ANO3: variants seen among roughly 807,000 people sequenced by gnomAD.
ANO3 encodes the protein anoctamin-3.
In ANO3, 99 loss-of-function variants were observed where a neutral mutation model predicts 144.8. The ratio of observed to expected loss-of-function variants is 0.68; its 90% confidence interval spans 0.58 to 0.81. ANO3 has a LOEUF of 0.81. Ranked by LOEUF, ANO3 falls within the 30% of genes least tolerant of loss-of-function variation. The pLI, the probability that ANO3 is intolerant of heterozygous loss-of-function variation, is 0.00. For synonymous variants in ANO3, 414 were observed against 392.6 expected, an observed-to-expected ratio of 1.05 and a Z score of -0.64; for missense variants, 905 against 1,202.2, an observed-to-expected ratio of 0.75 and a Z score of 3.66.
At position 26,598,455 on chromosome 11, in the gene ANO3, G is replaced by A. The variant is rs763498587; in HGVS notation, c.1530+8G>A. 5.1e-6 allele frequency: 8 copies of A among 1,567,504 alleles called. No homozygotes were observed. The highest frequency in any genetic ancestry group is 4.1e-5 in the African/African-American group (3 of 72,898). On this transcript the variant is annotated splice_region_variant and intron_variant, in intron 15 of 26. Coordinates refer to ENST00000256737, the MANE Select transcript of ANO3 (RefSeq NM_031418.4). ...GAATGGGAAGAAGAGGAGGTAAGAT[G>A]TTAGGATACAAGGAAATAGGGAAAC...
At chr11:26,333,048 C>T (rs2882351) in intron 1 of ANO3, among the ~76,000 whole-genome samples, 52,953 of 151,986 alleles carry the variant, frequency 0.35, 10,947 homozygotes, top group Admixed American at 0.5. Flanking sequence ...TTTTGAGGCA[C>T]ATTCACAGTT....
rs147367164 is a variant in ANO3, at chr11:26,273,114, G to A, written c.155-36531G>A. ...ATAAGCACCAGCTGCCAGTCTTTTC[G>A]TTGTATGACAAGAAGGCCTGGACAA... On this transcript the variant is annotated intron_variant, in intron 1 of 27. Transcript: ENST00000672621. Among the ~76,000 whole-genome samples, 777 of 151,996 alleles carry A rather than the reference G, an allele frequency of 5.1e-3. 5 individuals carry two copies. Among genetic ancestry groups the A allele is most frequent in the Non-Finnish European group, 8.0e-3 (547 of 67,988 alleles).
intron 14 of ANO3, chr11:26,563,395 CTGTGTG>C (rs71047867): frequency 0.011 from 6,039 of 538,794 alleles, 21 homozygotes; most frequent in Middle Eastern, 0.018. Flanking sequence ...GTTTCTCTCT[CTGTGTG>C]TGTGTGTGTG....
intron 7 of ANO3, among the ~76,000 whole-genome samples, chr11:26,528,099 G>A (rs977807460): frequency 3.9e-5 from 6 of 152,138 alleles, no homozygotes; most frequent in African/African-American, 1.2e-4. Flanking sequence ...ACACAATAAA[G>A]GTTTAGTAGA....
intron 4 of ANO3, among the ~76,000 whole-genome samples, chr11:26,494,781 A>T (rs1602932): frequency 0.73 from 111,313 of 152,038 alleles, 41,240 homozygotes; most frequent in Middle Eastern, 0.83. Flanking sequence ...ATGGAACCCA[A>T]GGACCTCTAA....
At chr11:26,297,181 TTGCG>T (rs1021353030) in intron 1 of ANO3, among the ~76,000 whole-genome samples, 1 of 142,234 alleles carries the variant, frequency 7.0e-6, no homozygotes, top group African/African-American at 2.8e-5. Flanking sequence ...GCATCAACCA[TTGCG>T]TGTGTGTGTG....
chr11:26,489,318 G>A (rs951255878), intron 4 of ANO3, among the ~76,000 whole-genome samples: 1 of 152,218 alleles, frequency 6.6e-6, no homozygotes, highest in Admixed American at 6.5e-5. Context: ...AAGAATTGAG[G>A]TTTGGGAACC....
At chr11:26,353,365 G>A (rs757420696) in intron 1 of ANO3, among the ~76,000 whole-genome samples, 7 of 152,204 alleles carry the variant, frequency 4.6e-5, no homozygotes, top group Non-Finnish European at 7.4e-5. Flanking sequence ...GGGTCTTATC[G>A]TCCCCTACCT....
At chr11:26,517,868 C>T (rs780250615) in intron 6 of ANO3, among the ~76,000 whole-genome samples, 13 of 151,974 alleles carry the variant, frequency 8.6e-5, no homozygotes, top group African/African-American at 1.7e-4. Flanking sequence ...ATTTAAAACA[C>T]GTAGGGCTCG....
chr11:26,431,554 G>A (rs1487500166), intron 1 of ANO3, among the ~76,000 whole-genome samples: 2 of 152,114 alleles, frequency 1.3e-5, no homozygotes, highest in Non-Finnish European at 2.9e-5. Context: ...TCTCCCTCCT[G>A]CCACCCTCCA....
At chr11:26,614,452 T>G (rs1852191542) in intron 17 of ANO3, among the ~76,000 whole-genome samples, 1 of 152,078 alleles carries the variant, frequency 6.6e-6, no homozygotes, top group African/African-American at 2.4e-5. Flanking sequence ...GCCTCAGGAA[T>G]GGAAAGTCAA....
chr11:26,268,809 C>A (rs182426671), intron 1 of ANO3, among the ~76,000 whole-genome samples: 19 of 152,242 alleles, frequency 1.2e-4, no homozygotes, highest in Middle Eastern at 6.8e-3. Flanking sequence ...AATTGCCCCA[C>A]ACAACACAGT....
intron 1 of ANO3, among the ~76,000 whole-genome samples, chr11:26,284,077 A>G (rs1176143905): frequency 6.6e-6 from 1 of 152,120 alleles, no homozygotes; most frequent in East Asian, 1.9e-4. Flanking sequence ...CAGCTCCCAG[A>G]TAACTGCAGG....
rs17243259 is a variant in ANO3, at chr11:26,332,404, G to T, written c.46+83G>T. The T allele has an allele frequency of 0.3, 413,282 of 1,360,684 alleles. 64,044 individuals are homozygous for T. Among genetic ancestry groups the T allele is most frequent in the South Asian group, 0.34 (29,442 of 85,738 alleles). The allele number at this position is 1,360,684 out of a possible 1,614,324, so 84.3% of individuals were successfully genotyped here. On this transcript the variant is annotated intron_variant, in intron 1 of 26. Coordinates refer to ENST00000256737, the MANE Select transcript of ANO3 (RefSeq NM_031418.4). The stretch of plus-strand genomic sequence containing the variant: ...TTGCAGTTGTGTAGGAGCATCCTTT[G>T]CAGGCTTATGCGACACAGAGGTGGG...
chr11:26,457,104 T>G, intron 3 of ANO3, among the ~76,000 whole-genome samples: 1 of 141,432 alleles, frequency 7.1e-6, no homozygotes, highest in East Asian at 2.4e-4. Context: ...AGGGATAGCA[T>G]TGGGAGATAT....
At chr11:26,578,723 A>G (rs1002988531) in intron 14 of ANO3, among the ~76,000 whole-genome samples, 2 of 152,200 alleles carry the variant, frequency 1.3e-5, no homozygotes, top group African/African-American at 2.4e-5. Flanking sequence ...AGCTGTGTGT[A>G]GAATATGGGG....
intron 6 of ANO3, among the ~76,000 whole-genome samples, chr11:26,518,748 G>A (rs191926072): frequency 6.6e-6 from 1 of 151,622 alleles, no homozygotes; most frequent in African/African-American, 2.4e-5. Flanking sequence ...GATTTTGGGG[G>A]AATATTAAAT....
intron 4 of ANO3, among the ~76,000 whole-genome samples, chr11:26,481,525 T>C (rs1371598471): frequency 6.6e-6 from 1 of 152,192 alleles, no homozygotes; most frequent in East Asian, 1.9e-4. Flanking sequence ...TTATAACCTA[T>C]AACAAAAAGA....
At chr11:26,225,467 C>G (rs1852238300) in intron 1 of ANO3, among the ~76,000 whole-genome samples, 1 of 152,110 alleles carries the variant, frequency 6.6e-6, no homozygotes, top group South Asian at 2.1e-4. Flanking sequence ...CTCTTTCATG[C>G]ATTTTTCCCT....
Sources: gnomAD v4.1 joint callset for allele counts (sites outside exome capture counted in the v4.1 genomes callset) on GRCh38, gnomAD v4.1.1 for gene constraint, MANE v1.5 for transcripts, NCBI Gene and HGNC (gene_info 2026-07-23, HGNC 2026-07-21) for gene names.